The following RALGAPA2 variants were observed in gnomAD, a reference collection of about 807,000 sequenced individuals.
The protein encoded by RALGAPA2 is ral GTPase-activating protein subunit alpha-2.
Under a neutral mutation model 230.4 loss-of-function variants are expected in RALGAPA2, and 139 were observed. The observed-to-expected ratio is 0.60, with a 90% confidence interval of 0.53 to 0.69. The LOEUF (loss-of-function observed/expected upper bound fraction) is 0.69. RALGAPA2 is among the 30% of genes least tolerant of loss of function. RALGAPA2 has a pLI of 0.00. For synonymous variants in RALGAPA2, 847 were observed against 837.8 expected, an observed-to-expected ratio of 1.01 and a Z score of -0.19; for missense variants, 2,163 against 2,276.0, an observed-to-expected ratio of 0.95 and a Z score of 1.01.
intron 38 of RALGAPA2, among the ~76,000 whole-genome samples, chr20:20,411,144 T>C (rs1361750051): frequency 6.6e-6 from 1 of 152,212 alleles, no homozygotes; most frequent in African/African-American, 2.4e-5. Context: ...TAGAAATCTA[T>C]TAAGCACTCT....
At position 20,495,254 on chromosome 20, in the gene RALGAPA2, C is replaced by T. The variant is rs754496994; in HGVS notation, c.5230G>A (p.Glu1744Lys). 11 of 1,532,514 alleles carry T rather than the reference C, an allele frequency of 7.2e-6. No individual in the cohort carries two copies. Among genetic ancestry groups the T allele is most frequent in the South Asian group, 3.8e-5 (3 of 79,450 alleles). The allele number at this position is 1,532,514 out of a possible 1,614,324, so 94.9% of individuals were successfully genotyped here. ...TKKLRHLGND[E>K]VHIVWSEHSR... ...TGTTCAGACCAGACGATATGGACCT[C>T]GTCATTCCCCAAGTGACGAAGCTGC... The change falls in exon 36 of 40, where the codon GAG becomes AAG. Residue 1744 changes from glutamate (E) to lysine (K), a missense_variant. Physicochemically the swap from Glu to Lys is moderately conservative, Grantham distance 56. Transcript: ENST00000202677.
chr20:20,430,263 G>C (rs2060474509), intron 37 of RALGAPA2, among the ~76,000 whole-genome samples: 2 of 152,248 alleles, frequency 1.3e-5, no homozygotes, highest in South Asian at 4.1e-4. Context: ...GTGGAGTAGA[G>C]CCCTGGCATT....
intron 37 of RALGAPA2, among the ~76,000 whole-genome samples, chr20:20,446,745 T>C (rs933339407): frequency 2.0e-5 from 3 of 152,192 alleles, no homozygotes; most frequent in African/African-American, 7.2e-5. Context: ...AGTGACTTCC[T>C]GGGTTGAACT....
At chr20:20,690,319 AC>A (rs1198836902) in intron 1 of RALGAPA2, among the ~76,000 whole-genome samples, 1 of 151,888 alleles carries the variant, frequency 6.6e-6, no homozygotes, top group African/African-American at 2.4e-5. Context: ...TCCTTGCAAG[AC>A]CCCCCATTCC....
At chr20:20,588,934 C>A (rs181108593) in intron 18 of RALGAPA2, among the ~76,000 whole-genome samples, 226 of 152,014 alleles carry the variant, frequency 1.5e-3, no homozygotes, top group Non-Finnish European at 2.8e-3. Context: ...TAATTCATGT[C>A]AGGTAGAGGC....
intron 31 of RALGAPA2, among the ~76,000 whole-genome samples, chr20:20,517,070 T>C (rs2062894220): frequency 6.6e-6 from 1 of 152,134 alleles, no homozygotes; most frequent in South Asian, 2.1e-4. Context: ...TAGACACAAC[T>C]GGAACTTCTC....
intron 36 of RALGAPA2, among the ~76,000 whole-genome samples, chr20:20,478,650 A>T (rs2061703589): frequency 6.6e-6 from 1 of 152,040 alleles, no homozygotes; most frequent in Non-Finnish European, 1.5e-5. Context: ...CATAAAGATA[A>T]CAACAAAAAT....
Position 20,589,311 on chromosome 20 carries a change from T to G in RALGAPA2, c.2396A>C (p.Gln799Pro), listed in dbSNP as rs1463564929. ...TCTCTTCACATGTCCTTTATTCTCT[T>G]GAATAGGCTGAGGCTCTGAAGAACT... ...NSSSSEPQPIQENKGHVKREH... is the reference protein window; with the variant it reads ...NSSSSEPQPIPENKGHVKREH... Residue 799 changes from glutamine to proline, a missense_variant, in exon 18 of 40, where the codon CAA becomes CCA. Gln to Pro is a moderately conservative substitution (Grantham distance 76). Coordinates refer to ENST00000202677, the MANE Select transcript of RALGAPA2 (RefSeq NM_020343.4). The G allele has an allele frequency of 6.3e-7, 1 of 1,590,284 alleles. No individual in the cohort carries two copies. Among genetic ancestry groups the G allele is most frequent in the Admixed American group, 1.8e-5 (1 of 56,710 alleles).
intron 12 of RALGAPA2, among the ~76,000 whole-genome samples, chr20:20,616,938 G>A (rs934826767): frequency 6.6e-6 from 1 of 152,168 alleles, no homozygotes; most frequent in Non-Finnish European, 1.5e-5. Flanking sequence ...ACCATCAGGG[G>A]TATCTCAGCA....
At chr20:20,617,407 T>C (rs1199522661) in intron 12 of RALGAPA2, among the ~76,000 whole-genome samples, 1 of 152,186 alleles carries the variant, frequency 6.6e-6, no homozygotes. Context: ...ACTTCAGTCA[T>C]GAAGAATTTA....
At chr20:20,554,200 G>C (rs888862987) in intron 23 of RALGAPA2, among the ~76,000 whole-genome samples, 24 of 152,066 alleles carry the variant, frequency 1.6e-4, no homozygotes, top group Non-Finnish European at 1.6e-4. Flanking sequence ...TCTACTTTCT[G>C]TCTCCATGAA....
chr20:20,514,357 G>A (rs978319270), intron 31 of RALGAPA2, among the ~76,000 whole-genome samples: 1 of 151,886 alleles, frequency 6.6e-6, no homozygotes. Flanking sequence ...CTGCAGCAGG[G>A]AGCCCCTCTC....
chr20:20,540,998 T>C (rs182274148), intron 24 of RALGAPA2, among the ~76,000 whole-genome samples: 112 of 151,574 alleles, frequency 7.4e-4, no homozygotes, highest in African/African-American at 2.5e-3. Flanking sequence ...GAATAATAAA[T>C]GGGCATTATA....
chr20:20,586,601 G>T (rs2065141024), intron 18 of RALGAPA2, among the ~76,000 whole-genome samples: 2 of 151,998 alleles, frequency 1.3e-5, no homozygotes, highest in African/African-American at 4.8e-5. Context: ...AGGAATAAAA[G>T]TTGGAATCAC....
At chr20:20,573,175 C>G in intron 20 of RALGAPA2, 107 bp from the exon 21 acceptor site, 1 of 997,126 alleles carries the variant, frequency 1.0e-6, no homozygotes, top group Non-Finnish European at 1.4e-6. Context: ...ATAATTAAGG[C>G]AAAAAATGTG....
chr20:20,435,220 GC>G (rs2060583527), intron 37 of RALGAPA2, among the ~76,000 whole-genome samples: 1 of 152,240 alleles, frequency 6.6e-6, no homozygotes, highest in Non-Finnish European at 1.5e-5. Context: ...TCTAAACTCA[GC>G]CCTGGATGAA....
chr20:20,406,841 C>G (rs949066678), intron 38 of RALGAPA2, among the ~76,000 whole-genome samples: 1 of 152,090 alleles, frequency 6.6e-6, no homozygotes, highest in Non-Finnish European at 1.5e-5. Flanking sequence ...GAGCCTGGGA[C>G]GGGAAGGATG....
At chr20:20,498,851 A>G (rs2123645437) in intron 35 of RALGAPA2, among the ~76,000 whole-genome samples, 1 of 152,328 alleles carries the variant, frequency 6.6e-6, no homozygotes, top group Non-Finnish European at 1.5e-5. Flanking sequence ...TCCTGGAGTC[A>G]AATGAATTGG....
intron 9 of RALGAPA2, among the ~76,000 whole-genome samples, chr20:20,631,352 C>A (rs984990766): frequency 1.3e-5 from 2 of 152,152 alleles, no homozygotes; most frequent in East Asian, 1.9e-4. Flanking sequence ...CCAGAATCTG[C>A]GAATGTGTTA....
Sources: gnomAD v4.1 joint callset for allele counts (sites outside exome capture counted in the v4.1 genomes callset) on GRCh38, gnomAD v4.1.1 for gene constraint, MANE v1.5 for transcripts, NCBI Gene and HGNC (gene_info 2026-07-23, HGNC 2026-07-21) for gene names.